The following NAT10 variants were observed in gnomAD, a reference collection of about 807,000 sequenced individuals.
NAT10 encodes the protein RNA cytidine acetyltransferase.
A neutral mutation model predicts 132.2 loss-of-function variants in NAT10; 109 were observed. The observed-to-expected ratio is 0.82, with a 90% CI of 0.71 to 0.97. The LOEUF is 0.97. NAT10 is among the 50% of genes least tolerant of loss of function. NAT10 has a pLI of 0.00. For synonymous variants in NAT10, 479 were observed against 478.0 expected (o/e 1.00, Z -0.03); for missense variants, 1,184 against 1,263.4 (o/e 0.94, Z 0.95).
chr11:34,125,871 G>C (rs976118654), intron 11 of NAT10, among the ~76,000 whole-genome samples: 3 of 152,202 alleles, frequency 2.0e-5, no homozygotes, highest in Non-Finnish European at 4.4e-5. Flanking sequence ...GGCCGAGGCA[G>C]GAGAATTGGT....
rs959278247 is a variant in NAT10 at position 34,132,951 on chromosome 11, G to T, written c.1618-75G>T. 4.8e-5 allele frequency: 56 copies of T among 1,167,156 alleles called. No individual in the cohort carries two copies. In the East Asian group the frequency reaches 9.7e-4, roughly 20 times the overall value. 72.3% of individuals were successfully genotyped at this position (1,167,156 alleles called of 1,614,324 possible). On this transcript the variant is annotated intron_variant, in intron 15 of 28. Coordinates refer to ENST00000257829, the MANE Select transcript of NAT10 (RefSeq NM_024662.3). ...GAAGGCCATACTGCAGTCATCCTGT[G>T]GTTCTGAATCGAACCTTTTGCGTAA...
chr11:34,140,932 C>G (rs74652580), intron 24 of NAT10, among the ~76,000 whole-genome samples, 157 bp from the exon 25 acceptor site: 1 of 151,920 alleles, frequency 6.6e-6, no homozygotes, highest in African/African-American at 2.4e-5. Flanking sequence ...TCTTGGTGGT[C>G]TCAGTAACAG....
chr11:34,139,911 CAAAA>C (rs1291035050), intron 23 of NAT10, among the ~76,000 whole-genome samples: 1 of 152,006 alleles, frequency 6.6e-6, no homozygotes, highest in Non-Finnish European at 1.5e-5. Context: ...ACTTAAAAAA[CAAAA>C]AATGTGTAAG....
At chr11:34,123,939 G>T in intron 10 of NAT10, 84 bp downstream of exon 10, 2 of 1,065,450 alleles carry the variant, frequency 1.9e-6, no homozygotes, top group Non-Finnish European at 2.9e-6. Flanking sequence ...GGAGGCCGAC[G>T]CGGGCGGATC....
intron 3 of NAT10, among the ~76,000 whole-genome samples, chr11:34,109,445 C>T (rs181110185): frequency 2.4e-4 from 37 of 152,260 alleles, no homozygotes; most frequent in Non-Finnish European, 1.8e-4. Flanking sequence ...ACTTAGTAGC[C>T]ACTTTTGCAG....
intron 20 of NAT10, 32 bp from the exon 21 acceptor site, chr11:34,136,946 C>T: frequency 6.2e-7 from 1 of 1,613,694 alleles, no homozygotes; most frequent in Non-Finnish European, 8.5e-7. Flanking sequence ...AGAGGCCACA[C>T]ACAGTGACCT....
rs1851912946 is a variant in NAT10 at position 34,122,564 on chromosome 11, T to C, written c.886T>C (p.Leu296=). The change falls in exon 9 of 29, where the codon TTG becomes CTG. Residue 296 remains leucine (L), a synonymous_variant. Coordinates refer to ENST00000257829, the MANE Select transcript of NAT10 (RefSeq NM_024662.3). ...RGRGKSAALG[L]AIAGAVAFGY... Reference sequence around the variant, plus strand: ...ACGGGGAAAATCTGCAGCCCTGGGATTGGCGATTGCTGGGGCGGTGGCATT... The same window carrying C: ...ACGGGGAAAATCTGCAGCCCTGGGACTGGCGATTGCTGGGGCGGTGGCATT... 2.5e-6 allele frequency: 4 copies of C among 1,614,132 alleles called. No homozygotes were observed. Among genetic ancestry groups the C allele is most frequent in the East Asian group, 2.2e-5 (1 of 44,874 alleles).
intron 8 of NAT10, among the ~76,000 whole-genome samples, chr11:34,121,187 G>A (rs921886270): frequency 9.9e-5 from 15 of 152,156 alleles, no homozygotes; most frequent in African/African-American, 3.6e-4. Context: ...GCATCCCCAG[G>A]CTTCTTTTTA....
intron 27 of NAT10, among the ~76,000 whole-genome samples, chr11:34,143,209 A>G (rs975403609): frequency 1.3e-5 from 2 of 152,212 alleles, no homozygotes; most frequent in African/African-American, 4.8e-5. Flanking sequence ...CCCTGCCAGC[A>G]GGCCTGGTGA....
At chr11:34,136,840 T>C (rs1441114598) in intron 20 of NAT10, 65 bp downstream of exon 20, 5 of 1,612,570 alleles carry the variant, frequency 3.1e-6, no homozygotes, top group East Asian at 4.5e-5. Flanking sequence ...TTCTGTGGGC[T>C]GTGTGTCTCT....
intron 27 of NAT10, among the ~76,000 whole-genome samples, chr11:34,142,775 T>G (rs910841960): frequency 2.0e-5 from 3 of 152,188 alleles, no homozygotes; most frequent in Non-Finnish European, 4.4e-5. Flanking sequence ...TCCTAGTCCC[T>G]TTTGTGCTTC....
rs1463142037 is a variant in NAT10, at chr11:34,113,788, ATCC to A, written c.450_452del (p.Leu151del). The A allele has an allele frequency of 1.9e-6, 3 of 1,614,030 alleles. No individual in the cohort carries two copies. The African/African-American group carries it at 4.0e-5, about 22-fold the overall frequency. On this transcript the variant is annotated inframe_deletion, in exon 5 of 29. Transcript: ENST00000257829. ...AGTGGAAGGTGGTGGGCTAGTGGTC[ATCC>A]TCCTACGGACCATGAACTCACTCAA...
chr11:34,139,122 C>T lies in NAT10; in HGVS notation c.2212-69C>T. Reference sequence around the variant, plus strand: ...AAGCCTTTCTTCTCTGAGTGTTTACCCTTCATCAATGATGGGTTATTCAAA... The same window carrying T: ...AAGCCTTTCTTCTCTGAGTGTTTACTCTTCATCAATGATGGGTTATTCAAA... On this transcript the variant is annotated intron_variant, in intron 21 of 28. Transcript: ENST00000257829. 4 of 1,378,304 alleles carry T rather than the reference C, an allele frequency of 2.9e-6. No homozygotes were observed. In the East Asian group the frequency reaches 6.9e-5, roughly 24 times the overall value. 85.4% of individuals were successfully genotyped at this position (1,378,304 alleles called of 1,614,324 possible). A position where few individuals can be genotyped will look rare whatever the true frequency, so the allele number is the denominator to read the frequency against.
chr11:34,140,297 C>G, intron 23 of NAT10, 103 bp from the exon 24 acceptor site: 1 of 1,110,730 alleles, frequency 9.0e-7, no homozygotes, highest in Non-Finnish European at 1.3e-6. Context: ...CTGCCAGGCC[C>G]TGTTAGATGC....
In NAT10 at chr11:34,140,409, G is replaced by T; in HGVS notation, c.2429G>T (p.Arg810Leu). ...TCTATCCCATGGACAGCCCTGAGCCGGGAGGAGCTGGAAGCACTCTTCCTC... is the reference window on the plus strand; with the variant it reads ...TCTATCCCATGGACAGCCCTGAGCCTGGAGGAGCTGGAAGCACTCTTCCTC... ...MGKPAQPALS[R>L]EELEALFLPY... Residue 810 changes from arginine (R) to leucine (L), a missense_variant, in exon 24 of 29, where the codon CGG becomes CTG. Transcript: ENST00000257829. The T allele has an allele frequency of 1.2e-6, 2 of 1,613,538 alleles. No individual in the cohort carries two copies. The highest frequency in any genetic ancestry group is 1.7e-6 in the Non-Finnish European group (2 of 1,179,490).
chr11:34,113,125 C>T (rs562931178), intron 4 of NAT10, among the ~76,000 whole-genome samples: 1 of 152,284 alleles, frequency 6.6e-6, no homozygotes, highest in South Asian at 2.1e-4. Context: ...CTTCTACTTG[C>T]TGCCATGATC....
intron 8 of NAT10, among the ~76,000 whole-genome samples, chr11:34,120,171 C>T (rs1357484676): frequency 2.3e-5 from 3 of 128,380 alleles, no homozygotes; most frequent in African/African-American, 5.9e-5. Flanking sequence ...TTTGGTGAGC[C>T]GGTCTGCTTA....
At chr11:34,109,183 G>T (rs1444618916) in intron 3 of NAT10, among the ~76,000 whole-genome samples, 2 of 151,780 alleles carry the variant, frequency 1.3e-5, no homozygotes, top group Admixed American at 6.6e-5. Context: ...CATGGAGGGG[G>T]TATATGCCTC....
At chr11:34,143,563 A>G in intron 28 of NAT10, 35 bp downstream of exon 28, 1 of 1,589,342 alleles carries the variant, frequency 6.3e-7, no homozygotes, top group East Asian at 2.2e-5. Context: ...ATCTGGCGGA[A>G]GAGGCATTCT....
Sources: allele counts gnomAD v4.1 joint callset (sites outside exome capture counted in the v4.1 genomes callset), GRCh38; gene constraint gnomAD v4.1.1; transcripts MANE v1.5; gene names NCBI Gene and HGNC (gene_info 2026-07-23, HGNC 2026-07-21).